FRS2: variants seen among roughly 807,000 people sequenced by gnomAD.
FRS2 encodes fibroblast growth factor receptor substrate 2.
FRS2 carries 8 observed loss-of-function variants against 43.9 expected under a neutral mutation model. The ratio of observed to expected loss-of-function variants is 0.18; its 90% CI spans 0.11 to 0.33. FRS2 has a LOEUF of 0.33. FRS2 is among the 10% of genes least tolerant of loss of function. The pLI, the probability that FRS2 is intolerant of heterozygous loss-of-function variation, is 1.00. For synonymous variants in FRS2, 219 were observed against 220.3 expected, an observed-to-expected ratio of 0.99 and a Z score of 0.05; for missense variants, 534 against 627.6, an observed-to-expected ratio of 0.85 and a Z score of 1.59.
intron 1 of FRS2, among the ~76,000 whole-genome samples, chr12:69,530,147 A>G (rs1258958696): frequency 6.6e-6 from 1 of 152,098 alleles, no homozygotes; most frequent in Non-Finnish European, 1.5e-5. Context: ...GACAATAACA[A>G]TAATAATTGC....
chr12:69,573,955 G>GTTTTGTTT, intron 8 of FRS2, 50 bp from the exon 9 acceptor site: 1 of 1,278,512 alleles, frequency 7.8e-7, no homozygotes, highest in Non-Finnish European at 1.1e-6. Context: ...CTTTTTTTCA[G>GTTTTGTTT]TTTTGTTTTT....
intron 1 of FRS2, among the ~76,000 whole-genome samples, chr12:69,476,759 G>T (rs375011199): frequency 6.7e-6 from 1 of 149,352 alleles, no homozygotes; most frequent in Non-Finnish European, 1.5e-5. Context: ...GGGACGGGGG[G>T]GGGTGTGGGG....
chr12:69,568,599 GTC>G (rs764694284), intron 4 of FRS2, among the ~76,000 whole-genome samples: 3 of 150,476 alleles, frequency 2.0e-5, no homozygotes, highest in Admixed American at 6.6e-5. Context: ...GTCCCTCTCT[GTC>G]TCTCTCTCTC....
chr12:69,500,690 T>C (rs1873360750), intron 1 of FRS2, among the ~76,000 whole-genome samples: 1 of 152,154 alleles, frequency 6.6e-6, no homozygotes, highest in Non-Finnish European at 1.5e-5. Context: ...TCTTTTTATA[T>C]ATGAACTGTC....
chr12:69,560,279 T>C (rs1313124838), intron 3 of FRS2, among the ~76,000 whole-genome samples: 1 of 152,182 alleles, frequency 6.6e-6, no homozygotes, highest in African/African-American at 2.4e-5. Flanking sequence ...TTTCGAAATA[T>C]CTTTATATCC....
At chr12:69,543,218 C>T (rs1215354442) in intron 3 of FRS2, among the ~76,000 whole-genome samples, 1 of 152,056 alleles carries the variant, frequency 6.6e-6, no homozygotes, top group Non-Finnish European at 1.5e-5. Context: ...CAAGTCATCT[C>T]AATAAGTAAC....
At chr12:69,490,000 T>C (rs1264899662) in intron 1 of FRS2, among the ~76,000 whole-genome samples, 1 of 151,512 alleles carries the variant, frequency 6.6e-6, no homozygotes, top group Non-Finnish European at 1.5e-5. Context: ...AAAAAAAAAA[T>C]AGGTCGTCAA....
At chr12:69,493,344 C>G (rs1456104336) in intron 1 of FRS2, among the ~76,000 whole-genome samples, 1 of 152,166 alleles carries the variant, frequency 6.6e-6, no homozygotes, top group African/African-American at 2.4e-5. Flanking sequence ...ATTTGATAAG[C>G]TCCCATTAAA....
chr12:69,530,751 A>G (rs1473483803), intron 1 of FRS2, 114 bp from the exon 2 acceptor site: 2 of 152,508 alleles, frequency 1.3e-5, no homozygotes, highest in Non-Finnish European at 2.9e-5. Context: ...TCAAAGGGGA[A>G]AAAAGTGCTT....
At chr12:69,523,657 C>T (rs1002125526) in intron 1 of FRS2, among the ~76,000 whole-genome samples, 2 of 151,866 alleles carry the variant, frequency 1.3e-5, no homozygotes, top group African/African-American at 4.8e-5. Context: ...GTGTGGTTGC[C>T]CTGTAGTGTC....
At chr12:69,534,043 G>C (rs1050243363) in intron 3 of FRS2, among the ~76,000 whole-genome samples, 6 of 152,172 alleles carry the variant, frequency 3.9e-5, no homozygotes, top group Non-Finnish European at 7.3e-5. Context: ...TCACATGTAG[G>C]TGGTGGAATA....
intron 1 of FRS2, among the ~76,000 whole-genome samples, chr12:69,482,854 A>C (rs990186226): frequency 6.6e-6 from 1 of 152,148 alleles, no homozygotes; most frequent in Non-Finnish European, 1.5e-5. Context: ...TTAAAACCTG[A>C]CTTAAGTAAA....
rs888955107 is a variant in FRS2 at position 69,577,394 on chromosome 12, G to T, written c.*2439G>T. 2.0e-5 allele frequency: 3 copies of T among 152,058 alleles called. No homozygotes were observed. Among genetic ancestry groups the T allele is most frequent in the Admixed American group, 6.5e-5 (1 of 15,278 alleles). The allele number at this position is 152,058 out of a possible 1,614,324, so 9.4% of individuals were successfully genotyped here. ...TTGTCCTTTGCAGTAGTTTAGTAAT[G>T]GGCATTAAGCTGTGTCCTCGAAGGA... On this transcript the variant is annotated 3_prime_UTR_variant, in exon 9 of 9. Coordinates refer to ENST00000549921, the MANE Select transcript of FRS2 (RefSeq NM_001278356.2).
At chr12:69,568,507 A>ATGTCTGCCTGCC in intron 4 of FRS2, among the ~76,000 whole-genome samples, 1 of 144,564 alleles carries the variant, frequency 6.9e-6, no homozygotes, top group East Asian at 2.3e-4. Flanking sequence ...GGGCAACATA[A>ATGTCTGCCTGCC]TGTCTGCCTG....
chr12:69,544,100 CTT>C (rs1354885365), intron 3 of FRS2, among the ~76,000 whole-genome samples: 1 of 148,122 alleles, frequency 6.8e-6, no homozygotes, highest in Non-Finnish European at 1.5e-5. Flanking sequence ...GGTGGGGAGG[CTT>C]TCTTTTTTTT....
At chr12:69,566,218 T>C (rs1462542961) in intron 4 of FRS2, among the ~76,000 whole-genome samples, 1 of 152,036 alleles carries the variant, frequency 6.6e-6, no homozygotes, top group Non-Finnish European at 1.5e-5. Context: ...AGATGCCAAG[T>C]GGAAGGATGA....
chr12:69,574,251 C>G lies in FRS2; in HGVS notation c.823C>G (p.Gln275Glu). Residue 275 changes from glutamine (Q) to glutamate (E), a missense_variant, in exon 9 of 9, where the codon CAA (glutamine) becomes GAA (glutamate). By Grantham distance (29) the Gln-to-Glu change is conservative. Around this residue, in one of 3 missense-constraint regions of FRS2, gnomAD observed 446 missense variants for 494.2 expected, o/e 0.90. Transcript: ENST00000549921. ...GAAACTGGAGCAACTTGGAAGAGAT[C>G]AAGTTAGTGGAAGTGGAGCAAATAA... ...KEKLEQLGRDQVSGSGANNTE... is the reference protein window; with the variant it reads ...KEKLEQLGRDEVSGSGANNTE... 6.2e-7 allele frequency: 1 copy of G among 1,614,096 alleles called. No individual in the cohort carries two copies. The highest frequency in any genetic ancestry group is 8.5e-7 in the Non-Finnish European group (1 of 1,179,960).
intron 4 of FRS2, among the ~76,000 whole-genome samples, chr12:69,566,695 TTAAAG>T (rs1880328619): frequency 6.6e-6 from 1 of 152,112 alleles, no homozygotes; most frequent in African/African-American, 2.4e-5. Flanking sequence ...TTTCCTGTCT[TTAAAG>T]AGATCACAGC....
intron 1 of FRS2, among the ~76,000 whole-genome samples, chr12:69,481,086 C>A (rs1038974115): frequency 6.6e-6 from 1 of 152,112 alleles, no homozygotes; most frequent in Non-Finnish European, 1.5e-5. Flanking sequence ...GTGCAGTAGA[C>A]CTCTGTATAC....
Sources: allele counts gnomAD v4.1 joint callset (sites outside exome capture counted in the v4.1 genomes callset), GRCh38; gene constraint gnomAD v4.1.1; regional missense constraint gnomAD v4.1.1; transcripts MANE v1.5; gene names NCBI Gene and HGNC (gene_info 2026-07-23, HGNC 2026-07-21).